The following OPRM1 variants were observed in gnomAD, a reference collection of about 807,000 sequenced individuals.
OPRM1 encodes the protein mu-type opioid receptor.
Under a neutral mutation model 31.8 loss-of-function variants are expected in OPRM1, and 27 were observed. That is an observed-to-expected ratio of 0.85 (90% CI 0.63 to 1.17). The LOEUF (loss-of-function observed/expected upper bound fraction) is 1.17. OPRM1 is among the 50% of genes most tolerant of loss of function. The probability of loss-of-function intolerance (pLI) is 0.00; values close to 1 mark genes in which losing one functional copy is unlikely to be tolerated. For synonymous variants in OPRM1, 196 were observed against 189.9 expected (o/e 1.03, Z -0.26); for missense variants, 536 against 511.1 (o/e 1.05, Z -0.47).
intron 3 of OPRM1, among the ~76,000 whole-genome samples, chr6:154,096,458 T>C (rs1793403636): frequency 2.0e-5 from 3 of 152,274 alleles, no homozygotes; most frequent in African/African-American, 7.2e-5. Context: ...GAATTATCAC[T>C]GAAACGGTAG....
intron 1 of OPRM1, among the ~76,000 whole-genome samples, chr6:154,018,489 T>C (rs1778142830): frequency 6.7e-6 from 1 of 149,182 alleles, no homozygotes; most frequent in South Asian, 2.1e-4. Context: ...TCATTTTCTA[T>C]TGTGCCCCGT....
chr6:154,054,286 G>A (rs953496528), intron 1 of OPRM1, among the ~76,000 whole-genome samples: 2 of 150,878 alleles, frequency 1.3e-5, no homozygotes, highest in African/African-American at 2.4e-5. Flanking sequence ...GGAGAATTGC[G>A]TGGACCCGGG....
intron 3 of OPRM1, among the ~76,000 whole-genome samples, chr6:154,096,403 C>T (rs1793395169): frequency 6.6e-6 from 1 of 152,056 alleles, no homozygotes; most frequent in South Asian, 2.1e-4. Flanking sequence ...TTATTGAAAA[C>T]GTTTAGCATT....
In OPRM1 at chr6:154,183,641, G is replaced by A. The variant is rs144157248; in HGVS notation, c.1165-63052G>A. Among the ~76,000 whole-genome samples, 257 of 152,276 alleles carry A rather than the reference G, an allele frequency of 1.7e-3. 1 individual carries two copies. Among genetic ancestry groups the A allele is most frequent in the Non-Finnish European group, 2.8e-3 (193 of 68,022 alleles). ...TTGGGCTGGGTGGTGGCTTACACCTGTAATCCCAGGACTTTTTGAGGCCGA... is the reference window on the plus strand; with the variant it reads ...TTGGGCTGGGTGGTGGCTTACACCTATAATCCCAGGACTTTTTGAGGCCGA... On this transcript the variant is annotated intron_variant, in intron 3 of 3. Transcript: ENST00000337049.
chr6:154,057,711 C>A (rs1161168213), intron 1 of OPRM1, among the ~76,000 whole-genome samples: 1 of 152,126 alleles, frequency 6.6e-6, no homozygotes, highest in African/African-American at 2.4e-5. Context: ...GATATCGGCA[C>A]AGAAGAGCAG....
intron 1 of OPRM1, among the ~76,000 whole-genome samples, chr6:154,051,947 G>A (rs1782280465): frequency 1.3e-5 from 2 of 152,116 alleles, no homozygotes; most frequent in Admixed American, 1.3e-4. Context: ...TCAATGATAG[G>A]TTGGATAAAG....
intron 3 of OPRM1, chr6:154,156,175 C>A (rs1406147849): frequency 6.6e-6 from 1 of 152,280 alleles, no homozygotes; most frequent in Non-Finnish European, 1.5e-5. Flanking sequence ...TTAGGTGAAA[C>A]CCCAATCCAT....
At chr6:154,245,871 A>G (rs2128641892) in intron 3 of OPRM1, among the ~76,000 whole-genome samples, 1 of 152,352 alleles carries the variant, frequency 6.6e-6, no homozygotes, top group South Asian at 2.1e-4. Flanking sequence ...AGATCAGCAC[A>G]CTTTCTAAGA....
At chr6:154,020,498 T>A (rs926779960) in intron 1 of OPRM1, among the ~76,000 whole-genome samples, 5 of 152,124 alleles carry the variant, frequency 3.3e-5, no homozygotes, top group African/African-American at 4.8e-5. Flanking sequence ...AAAGATAATT[T>A]AAAAAAAATT....
chr6:154,054,731 C>T (rs1479951884), intron 1 of OPRM1, among the ~76,000 whole-genome samples: 1 of 152,130 alleles, frequency 6.6e-6, no homozygotes, highest in Non-Finnish European at 1.5e-5. Context: ...GTGGAGTAGA[C>T]AGAGTAGTAA....
intron 3 of OPRM1, among the ~76,000 whole-genome samples, chr6:154,207,105 T>C (rs1777562027): frequency 6.6e-6 from 1 of 152,164 alleles, no homozygotes; most frequent in Non-Finnish European, 1.5e-5. Context: ...TAGCCTGCTA[T>C]TTCAATAACT....
chr6:154,094,166 A>C, intron 3 of OPRM1: 1 of 1,148,024 alleles, frequency 8.7e-7, no homozygotes, highest in Non-Finnish European at 1.2e-6. Context: ...ATTATACTCT[A>C]TATGTCACAT....
At position 154,168,098 on chromosome 6, in the gene OPRM1, G is replaced by A. The variant is rs1799576067; in HGVS notation, c.1164+76626G>A. On this transcript the variant is annotated intron_variant, in intron 3 of 3. Coordinates refer to the OPRM1 transcript ENST00000337049. The surrounding 1 kb of genome is among the most constrained non-coding windows in gnomAD (Gnocchi z 4.1). Reference sequence around the variant, plus strand: ...CAGCTTCTCCATTTCATCATCTTCAGACACTTTTGTCTCTTCTATTTGAAA... The same window carrying A: ...CAGCTTCTCCATTTCATCATCTTCAAACACTTTTGTCTCTTCTATTTGAAA... The A allele has an allele frequency of 6.5e-7, 1 of 1,548,762 alleles. No individual in the cohort carries two copies. The highest frequency in any genetic ancestry group is 8.8e-7 in the Non-Finnish European group (1 of 1,139,080).
At chr6:154,227,982 A>C (rs1325271093) in intron 3 of OPRM1, among the ~76,000 whole-genome samples, 1 of 96,582 alleles carries the variant, frequency 1.0e-5, no homozygotes, top group Non-Finnish European at 2.1e-5. Flanking sequence ...TGCTTATTTG[A>C]CTTGCAAAAA....
intron 3 of OPRM1, among the ~76,000 whole-genome samples, chr6:154,137,660 C>A (rs1009086742): frequency 6.6e-6 from 1 of 152,160 alleles, no homozygotes; most frequent in African/African-American, 2.4e-5. Context: ...ACAGCCTTTA[C>A]ACATACAAAA....
intron 3 of OPRM1, among the ~76,000 whole-genome samples, chr6:154,184,771 A>T (rs1801192591): frequency 6.7e-6 from 1 of 150,310 alleles, no homozygotes; most frequent in Admixed American, 6.6e-5. Flanking sequence ...TTTTCTTGGT[A>T]TCTTTCCAGA....
intron 1 of OPRM1, among the ~76,000 whole-genome samples, chr6:154,017,629 A>G (rs1276238734): frequency 6.6e-6 from 1 of 152,120 alleles, no homozygotes; most frequent in Admixed American, 6.5e-5. Flanking sequence ...TATTGTTCAT[A>G]CCCATAAGTT....
intron 1 of OPRM1, among the ~76,000 whole-genome samples, chr6:154,050,425 G>A (rs906855058): frequency 2.0e-5 from 3 of 152,090 alleles, no homozygotes; most frequent in African/African-American, 7.2e-5. Context: ...CCATTAAAAA[G>A]AATGAGATCC....
At chr6:154,093,662 C>A in intron 3 of OPRM1, 1 of 876,814 alleles carries the variant, frequency 1.1e-6, no homozygotes, top group Non-Finnish European at 1.6e-6. Context: ...TGTAAGATAA[C>A]AGCAGAAACA....
Sources: gnomAD v4.1 joint callset for allele counts (sites outside exome capture counted in the v4.1 genomes callset) on GRCh38, gnomAD v4.1.1 for gene constraint, Gnocchi (gnomAD v3.1) non-coding constraint, MANE v1.5 for transcripts, NCBI Gene and HGNC (gene_info 2026-07-23, HGNC 2026-07-21) for gene names.